The following FHIT variants were observed in gnomAD, a reference collection of about 807,000 sequenced individuals.
FHIT encodes fragile histidine triad diadenosine triphosphatase.
A neutral mutation model predicts 17.9 loss-of-function variants in FHIT; 19 were observed. The observed-to-expected ratio is 1.06, with a 90% confidence interval of 0.74 to 1.56. The LOEUF (loss-of-function observed/expected upper bound fraction) is 1.56, where lower values mean the gene tolerates loss of function less well. Ranked by LOEUF, FHIT falls within the 40% of genes most tolerant of loss-of-function variation. The pLI, the probability that FHIT is intolerant of heterozygous loss-of-function variation, is 0.00. For missense variants in FHIT, 248 were observed against 189.2 expected (o/e 1.31, Z -1.82); for synonymous variants, 81 against 69.7 (o/e 1.16, Z -0.81).
At chr3:59,851,954 T>C (rs1164226099) in intron 8 of FHIT, among the ~76,000 whole-genome samples, 3 of 152,204 alleles carry the variant, frequency 2.0e-5, no homozygotes, top group African/African-American at 7.2e-5. Flanking sequence ...AATTTACCCT[T>C]TCATCTTGCT....
At chr3:60,073,969 G>A (rs1332667488) in intron 5 of FHIT, among the ~76,000 whole-genome samples, 1 of 152,064 alleles carries the variant, frequency 6.6e-6, no homozygotes, top group Non-Finnish European at 1.5e-5. Context: ...TTCCTGAGAG[G>A]AGTATACTGT....
At chr3:61,076,038 C>T (rs2034961012) in intron 2 of FHIT, among the ~76,000 whole-genome samples, 1 of 152,128 alleles carries the variant, frequency 6.6e-6, no homozygotes. Flanking sequence ...TTACTAATAT[C>T]TTCATTTTAC....
intron 5 of FHIT, among the ~76,000 whole-genome samples, chr3:60,466,145 T>C (rs924919782): frequency 2.6e-5 from 4 of 152,050 alleles, no homozygotes; most frequent in African/African-American, 9.7e-5. Context: ...TTTGTAGTTA[T>C]TGTAAATGGA....
chr3:60,786,081 TA>T (rs1381778928), intron 4 of FHIT, among the ~76,000 whole-genome samples: 4 of 152,140 alleles, frequency 2.6e-5, no homozygotes, highest in Non-Finnish European at 4.4e-5. Context: ...GAAATCAGAA[TA>T]AAAAAGCAAT....
intron 2 of FHIT, among the ~76,000 whole-genome samples, chr3:61,162,707 C>T (rs900600313): frequency 1.3e-5 from 2 of 152,184 alleles, no homozygotes; most frequent in Non-Finnish European, 2.9e-5. Flanking sequence ...TAATTTTCAA[C>T]TCTGTAAATT....
intron 3 of FHIT, among the ~76,000 whole-genome samples, chr3:60,851,986 A>C (rs1358112568): frequency 6.6e-6 from 1 of 152,166 alleles, no homozygotes; most frequent in African/African-American, 2.4e-5. Flanking sequence ...TGAGGTGCCC[A>C]GATATTTGGT....
chr3:60,643,966 G>A (rs558418420), intron 4 of FHIT, among the ~76,000 whole-genome samples: 87 of 152,296 alleles, frequency 5.7e-4, no homozygotes, highest in African/African-American at 2.1e-3. Flanking sequence ...ACAGTGTGCT[G>A]TTACCAAATA....
chr3:59,919,798 C>T (rs947679957), intron 8 of FHIT, among the ~76,000 whole-genome samples: 6 of 152,154 alleles, frequency 3.9e-5, no homozygotes, highest in African/African-American at 1.4e-4. Flanking sequence ...GCAAGTGCTC[C>T]CATCAATATA....
At chr3:59,779,316 C>T (rs925913733) in intron 8 of FHIT, among the ~76,000 whole-genome samples, 1 of 152,032 alleles carries the variant, frequency 6.6e-6, no homozygotes, top group African/African-American at 2.4e-5. Flanking sequence ...GGACAGGTAC[C>T]GAGAGGCAGG....
chr3:60,525,323 T>A (rs977903814), intron 5 of FHIT, among the ~76,000 whole-genome samples: 20 of 152,206 alleles, frequency 1.3e-4, no homozygotes, highest in Non-Finnish European at 2.9e-5. Context: ...AACCATCCTG[T>A]TTTGAACCAA....
chr3:60,035,518 C>T lies in FHIT; in HGVS notation c.104-21366G>A, dbSNP rs527540152. Among the ~76,000 whole-genome samples, 9 of 152,304 alleles carry T rather than the reference C, an allele frequency of 5.9e-5. No individual in the cohort carries two copies. The South Asian group carries it at 1.9e-3, about 32-fold the overall frequency. On this transcript the variant is annotated intron_variant, in intron 5 of 9. Transcript: ENST00000492590. ...TACAGGCGTGAGCCACCACACCCAG[C>T]CAAAAACATTTTTTTATACTGGTCA... is the stretch of plus-strand genomic sequence containing the variant.
chr3:59,978,287 TG>T (rs1449642218), intron 7 of FHIT, among the ~76,000 whole-genome samples: 2 of 152,234 alleles, frequency 1.3e-5, no homozygotes, highest in East Asian at 3.9e-4. Context: ...CAAGAAGGCC[TG>T]TCATAAAGCC....
intron 5 of FHIT, among the ~76,000 whole-genome samples, chr3:60,309,242 A>G (rs572894682): frequency 2.6e-4 from 39 of 152,130 alleles, no homozygotes; most frequent in African/African-American, 8.9e-4. Flanking sequence ...AGAGGGGAAA[A>G]TCCACCTCAC....
chr3:60,893,154 G>A (rs1705602638), intron 3 of FHIT, among the ~76,000 whole-genome samples: 1 of 152,138 alleles, frequency 6.6e-6, no homozygotes, highest in Non-Finnish European at 1.5e-5. Flanking sequence ...CAGAGAAAAG[G>A]AGCATCCTTA....
At chr3:59,750,561 C>T (rs1700838629) in intron 9 of FHIT, 1 of 226,306 alleles carries the variant, frequency 4.4e-6, no homozygotes, top group Non-Finnish European at 8.8e-6. Context: ...ATATGAAAGA[C>T]AGCCTCTGTT....
intron 5 of FHIT, among the ~76,000 whole-genome samples, chr3:60,229,636 C>A (rs1277956061): frequency 2.0e-5 from 3 of 152,050 alleles, no homozygotes; most frequent in African/African-American, 7.2e-5. Flanking sequence ...TCCAGAGTAA[C>A]TGGGCTGAGA....
At chr3:60,005,919 GC>G (rs1013198446) in intron 7 of FHIT, among the ~76,000 whole-genome samples, 7 of 152,298 alleles carry the variant, frequency 4.6e-5, no homozygotes, top group African/African-American at 1.7e-4. Flanking sequence ...GAGAGCAGCA[GC>G]CCCCTACAAG....
chr3:60,842,005 GT>G (rs1241009304), intron 3 of FHIT, among the ~76,000 whole-genome samples: 2 of 152,088 alleles, frequency 1.3e-5, no homozygotes, highest in Non-Finnish European at 2.9e-5. Flanking sequence ...CTGGTTTTAT[GT>G]TTGGAAGACC....
At chr3:60,055,272 C>G (rs1702036040) in intron 5 of FHIT, among the ~76,000 whole-genome samples, 1 of 152,092 alleles carries the variant, frequency 6.6e-6, no homozygotes, top group African/African-American at 2.4e-5. Flanking sequence ...AGGGAAGTGA[C>G]ATCTAGAGTG....
Sources: gnomAD v4.1 joint callset for allele counts (sites outside exome capture counted in the v4.1 genomes callset) on GRCh38, gnomAD v4.1.1 for gene constraint, MANE v1.5 for transcripts, NCBI Gene and HGNC (gene_info 2026-07-23, HGNC 2026-07-21) for gene names.